KLK6: variants seen among roughly 807,000 people sequenced by gnomAD.
KLK6 encodes the protein kallikrein related peptidase 6.
Under a neutral mutation model 21.7 loss-of-function variants are expected in KLK6, and 16 were observed. The observed-to-expected ratio is 0.74, with a 90% CI of 0.50 to 1.12. KLK6 has a LOEUF of 1.12. Among genes scored for constraint, KLK6 ranks in the 50% most tolerant of loss-of-function variants. The pLI is 0.00. For missense variants in KLK6, 276 were observed against 304.6 expected, an observed-to-expected ratio of 0.91 and a Z score of 0.70; for synonymous variants, 116 against 120.1, an observed-to-expected ratio of 0.97 and a Z score of 0.22.
chr19:50,961,944 AC>A (rs112376245), intron 5 of KLK6, 64 bp from the exon 6 acceptor site: 133 of 1,535,494 alleles, frequency 8.7e-5, no homozygotes, highest in Middle Eastern at 5.9e-4. Flanking sequence ...CTCCCCAGTC[AC>A]CCCCCAACCC....
In KLK6 at chr19:50,961,628, A is replaced by G. The variant is rs1297004174; in HGVS notation, c.582+116T>C. 3.9e-6 allele frequency: 5 copies of G among 1,269,840 alleles called. No homozygotes were observed. In the African/African-American group the frequency reaches 4.5e-5, roughly 11 times the overall value. 78.7% of individuals were successfully genotyped at this position (1,269,840 alleles called of 1,614,324 possible). On this transcript the variant is annotated intron_variant, in intron 6 of 6. Coordinates refer to ENST00000310157, the MANE Select transcript of KLK6 (RefSeq NM_002774.4). Reference sequence around the variant, plus strand: ...TTGGGTTCTCCCTCAGCCTGTCTCTATCTGTCTCTGTAAAGCTCTCTTTTG... The same window carrying G: ...TTGGGTTCTCCCTCAGCCTGTCTCTGTCTGTCTCTGTAAAGCTCTCTTTTG...
chr19:50,960,220 T>C (rs2123619835), intron 6 of KLK6, among the ~76,000 whole-genome samples: 1 of 151,516 alleles, frequency 6.6e-6, no homozygotes, highest in Non-Finnish European at 1.5e-5. Flanking sequence ...CTGGCACTAT[T>C]CTGTCCAGGG....
chr19:50,963,173 C>A (rs1299057222), intron 5 of KLK6, 129 bp downstream of exon 5: 1 of 1,322,968 alleles, frequency 7.6e-7, no homozygotes, highest in Non-Finnish European at 1.0e-6. Context: ...CCATTGAAAC[C>A]CTGTCCCATT....
intron 3 of KLK6, 90 bp downstream of exon 3, chr19:50,967,975 G>T: frequency 3.6e-6 from 4 of 1,121,294 alleles, no homozygotes; most frequent in Non-Finnish European, 4.0e-6. Context: ...CCAACCCTGT[G>T]CATATCCCCA....
Position 50,959,023 on chromosome 19 carries a change from C to A in KLK6, c.*141G>T. 1 of 874,074 alleles carries A rather than the reference C, an allele frequency of 1.1e-6. No homozygotes were observed. Among genetic ancestry groups the A allele is most frequent in the East Asian group, 2.4e-5 (1 of 41,014 alleles). The allele number at this position is 874,074 out of a possible 1,614,324, so 54.1% of individuals were successfully genotyped here. A position where few individuals can be genotyped will look rare whatever the true frequency, so the allele number is the denominator to read the frequency against. On this transcript the variant is annotated 3_prime_UTR_variant, in exon 7 of 7. Transcript: ENST00000310157. ...GAGCTGGGGTAAAACCAGGGAGAAT[C>A]AGGACCCTCACGTCGCTGCGTTTAT...
At chr19:50,964,370 A>G (rs556894507) in intron 4 of KLK6, among the ~76,000 whole-genome samples, 126 of 152,150 alleles carry the variant, frequency 8.3e-4, no homozygotes, top group Non-Finnish European at 1.6e-3. Context: ...CAATCATCCG[A>G]CCTGCTATAT....
chr19:50,968,065 C>T lies in KLK6; in HGVS notation c.40G>A (p.Ala14Thr). The part of the protein sequence containing the change: ...LMVVLSLIAA[A>T]WAEEQNKLVH... ...CCCCATCCAAATGCCCTTTCCCCAC[C>T]TGCAGCAATCAGACTCAGCACCACC... Residue 14 changes from alanine (A) to threonine (T), a missense_variant and splice_region_variant, in exon 3 of 7, where the codon GCC becomes ACC. Transcript: ENST00000310157. 1 of 1,613,994 alleles carries T rather than the reference C, an allele frequency of 6.2e-7. No individual in the cohort carries two copies. The highest frequency in any genetic ancestry group is 8.5e-7 in the Non-Finnish European group (1 of 1,179,964).
At position 50,963,454 on chromosome 19, in the gene KLK6, T is replaced by C; in HGVS notation, c.293A>G (p.Tyr98Cys). The C allele has an allele frequency of 6.2e-7, 1 of 1,614,172 alleles. No individual in the cohort carries two copies. The highest frequency in any genetic ancestry group is 8.5e-7 in the Non-Finnish European group (1 of 1,180,036). Residue 98 changes from tyrosine (Y) to cysteine (C), a missense_variant, in exon 5 of 7, where the codon TAT (tyrosine) becomes TGT (cysteine). Physicochemically the swap from Tyr to Cys is radical, Grantham distance 194 (BLOSUM62 -2). Transcript: ENST00000310157. ...GTCCTGGTCATGGCTGGCGGCATCATAGTCAGGGTGGATCACAGCCCGGAC... is the reference window on the plus strand; with the variant it reads ...GTCCTGGTCATGGCTGGCGGCATCACAGTCAGGGTGGATCACAGCCCGGAC... ...SVVRAVIHPD[Y>C]DAASHDQDIM...
At chr19:50,961,060 A>G (rs965027784) in intron 6 of KLK6, among the ~76,000 whole-genome samples, 1 of 150,062 alleles carries the variant, frequency 6.7e-6, no homozygotes, top group African/African-American at 2.5e-5. Flanking sequence ...CACTGTGCCC[A>G]TCCTAATTTT....
intron 1 of KLK6, among the ~76,000 whole-genome samples, 165 bp downstream of exon 1, chr19:50,969,325 A>G (rs565304396): frequency 6.6e-6 from 1 of 151,910 alleles, no homozygotes; most frequent in South Asian, 2.1e-4. Context: ...GTCTGAAGAC[A>G]AATTCCGGCC....
intron 5 of KLK6, 53 bp from the exon 6 acceptor site, chr19:50,961,933 C>A (rs957949162): frequency 1.7e-4 from 261 of 1,578,354 alleles, no homozygotes; most frequent in Non-Finnish European, 2.2e-4. Context: ...CTCCCCTCAT[C>A]CTCCCCAGTC....
rs1568534594 is a variant in KLK6 at position 50,959,302 on chromosome 19, A to G, written c.597T>C (p.Gly199=). 1 of 1,612,768 alleles carries G rather than the reference A, an allele frequency of 6.2e-7. No homozygotes were observed. Among genetic ancestry groups the G allele is most frequent in the Admixed American group, 1.7e-5 (1 of 59,772 alleles). ...GGAGGTGGTCTCCACATACCAGCGGACCCCCAGAATCACCCTGCAGGAAAG... is the reference window on the plus strand; with the variant it reads ...GGAGGTGGTCTCCACATACCAGCGGGCCCCCAGAATCACCCTGCAGGAAAG... ...GKDSCQGDSG[G]PLVCGDHLRG... The change falls in exon 7 of 7, where the codon GGT becomes GGC. Residue 199 remains glycine (G), a synonymous_variant. Coordinates refer to ENST00000310157, the MANE Select transcript of KLK6 (RefSeq NM_002774.4).
intron 4 of KLK6, among the ~76,000 whole-genome samples, chr19:50,965,518 T>G (rs191653354): frequency 6.6e-6 from 1 of 152,036 alleles, no homozygotes; most frequent in Admixed American, 6.6e-5. Context: ...ACTCAGGTAA[T>G]CCACCCACCT....
At chr19:50,965,868 TG>T (rs1434228886) in intron 4 of KLK6, among the ~76,000 whole-genome samples, 1 of 152,078 alleles carries the variant, frequency 6.6e-6, no homozygotes, top group Non-Finnish European at 1.5e-5. Flanking sequence ...CCAGGAAAGG[TG>T]TGTACATGGT....
intron 4 of KLK6, 75 bp downstream of exon 4, chr19:50,967,094 C>T (rs772168021): frequency 5.8e-6 from 9 of 1,552,608 alleles, no homozygotes; most frequent in Non-Finnish European, 8.0e-6. Flanking sequence ...ATGCCTATGT[C>T]ACCTCCTGCC....
intron 6 of KLK6, among the ~76,000 whole-genome samples, chr19:50,959,736 G>C (rs1312701884): frequency 4.4e-4 from 1 of 2,292 alleles, no homozygotes; most frequent in Non-Finnish European, 7.8e-4. Context: ...AGGAGGAAGA[G>C]GAGGAGGAGG....
At chr19:50,967,704 CA>C (rs35743049) in intron 3 of KLK6, among the ~76,000 whole-genome samples, 90,290 of 145,842 alleles carry the variant, frequency 0.62, 28,049 homozygotes, top group Middle Eastern at 0.74. Context: ...GACCCTGTCT[CA>C]AAAAAAAAAA....
rs2090846077 is a variant in KLK6, at chr19:50,961,825, C to T, written c.501G>A (p.Glu167=). Residue 167 remains glutamate (E), a synonymous_variant, in exon 6 of 7, where the codon GAG becomes GAA. Transcript: ENST00000310157. ...CAYIHLVSRE[E]CEHAYPGQIT... ...TCTGGCCAGGGTAGGCATGCTCACACTCCTCACGGGACACCAGGTGGATGT... is the reference window on the plus strand; with the variant it reads ...TCTGGCCAGGGTAGGCATGCTCACATTCCTCACGGGACACCAGGTGGATGT... The T allele has an allele frequency of 6.2e-7, 1 of 1,614,088 alleles. No homozygotes were observed. Among genetic ancestry groups the T allele is most frequent in the Non-Finnish European group, 8.5e-7 (1 of 1,179,968 alleles).
chr19:50,963,193 C>G, intron 5 of KLK6, 109 bp downstream of exon 5: 2 of 1,454,378 alleles, frequency 1.4e-6, no homozygotes, highest in Non-Finnish European at 1.9e-6. Context: ...TGGTCCTCAC[C>G]ATTAGCCCAT....
Sources: gnomAD v4.1 joint callset for allele counts (sites outside exome capture counted in the v4.1 genomes callset) on GRCh38, gnomAD v4.1.1 for gene constraint, MANE v1.5 for transcripts, NCBI Gene and HGNC (gene_info 2026-07-23, HGNC 2026-07-21) for gene names.